CENPV: variants seen among roughly 807,000 people sequenced by gnomAD.
CENPV encodes centromere protein V.
In CENPV, 15 loss-of-function variants were observed where a neutral mutation model predicts 26.4. The observed-to-expected ratio is 0.57, with a 90% CI of 0.38 to 0.88. The LOEUF is 0.88. CENPV is among the 40% of genes least tolerant of loss of function. The pLI is 0.00. For synonymous variants in CENPV, 172 were observed against 165.5 expected, an observed-to-expected ratio of 1.04 and a Z score of -0.30; for missense variants, 336 against 376.5, an observed-to-expected ratio of 0.89 and a Z score of 0.89.
chr17:16,342,899 A>G lies in CENPV; in HGVS notation c.737T>C (p.Met246Thr). 6.2e-7 allele frequency: 1 copy of G among 1,614,186 alleles called. No individual in the cohort carries two copies. The highest frequency in any genetic ancestry group is 2.2e-5 in the East Asian group (1 of 44,886). Reference sequence around the variant, plus strand: ...GCTGCCATTGAATTCCTCAGTGACCATACTCCGCACAGTGCCCTCATCCAG... The same window carrying G: ...GCTGCCATTGAATTCCTCAGTGACCGTACTCCGCACAGTGCCCTCATCCAG... ...HCLDEGTVRS[M>T]VTEEFNGSDW... Residue 246 changes from methionine to threonine, a missense_variant, in exon 5 of 5, where the codon ATG becomes ACG. Around this residue, in one of 2 missense-constraint regions of CENPV, gnomAD observed 155 missense variants for 227.8 expected, o/e 0.68. Transcript: ENST00000299736.
At chr17:16,348,748 G>A (rs567030421) in intron 2 of CENPV, 63 bp from the exon 3 acceptor site, 23 of 1,605,124 alleles carry the variant, frequency 1.4e-5, no homozygotes, top group African/African-American at 1.3e-4. Flanking sequence ...ATGCCTGAGC[G>A]GCCCAGCCAT....
chr17:16,347,200 C>T (rs1216820911), intron 3 of CENPV, among the ~76,000 whole-genome samples: 1 of 152,086 alleles, frequency 6.6e-6, no homozygotes, highest in African/African-American at 2.4e-5. Flanking sequence ...ATCCAAGAAA[C>T]AGTGGCTTAC....
chr17:16,349,432 G>A (rs577205267), intron 2 of CENPV: 37 of 986,104 alleles, frequency 3.8e-5, no homozygotes, highest in Admixed American at 3.7e-4. Context: ...TCATAACGCC[G>A]GGGAAGGTGG....
At chr17:16,349,668 C>A in intron 2 of CENPV, 5 of 1,242,818 alleles carry the variant, frequency 4.0e-6, no homozygotes, top group Non-Finnish European at 5.1e-6. Flanking sequence ...CAGTGTCAGT[C>A]TGAGGGTGAT....
rs764236986 is a variant in CENPV, at chr17:16,353,108, T to C, written c.329A>G (p.Glu110Gly). The change falls in exon 1 of 5, where the codon GAG becomes GGG. Residue 110 changes from glutamate (E) to glycine (G), a missense_variant. By Grantham distance (98) the Glu-to-Gly change is moderately conservative. This residue lies in a region of CENPV where 155 missense variants were observed against 227.8 expected (regional missense o/e 0.68). Transcript: ENST00000299736. ...GAACGTCTCCCAGCGCTCCCGCTGC[T>C]CGCCCAGGTCCAGGTTGGACGCCGA... ...TSSASNLDLG[E>G]QRERWETFQK... is the part of the protein sequence containing the mutation. 6.4e-7 allele frequency: 1 copy of C among 1,566,558 alleles called. No homozygotes were observed. The highest frequency in any genetic ancestry group is 1.4e-5 in the African/African-American group (1 of 70,676).
At chr17:16,352,904 C>A in intron 1 of CENPV, 123 bp downstream of exon 1, 1 of 1,322,688 alleles carries the variant, frequency 7.6e-7, no homozygotes, top group Non-Finnish European at 9.7e-7. Context: ...CGCGTCGGCT[C>A]CGTAACGTGG....
At chr17:16,352,932 G>A (rs2093233973) in intron 1 of CENPV, 95 bp downstream of exon 1, 3 of 1,385,460 alleles carry the variant, frequency 2.2e-6, no homozygotes, top group South Asian at 3.1e-5. Flanking sequence ...AGAGCTGAAA[G>A]GCGCCCAAGG....
chr17:16,352,937 C>A, intron 1 of CENPV, 90 bp downstream of exon 1: 2 of 1,407,524 alleles, frequency 1.4e-6, no homozygotes, highest in South Asian at 1.5e-5. Flanking sequence ...TGAAAGGCGC[C>A]CAAGGCCTGC....
chr17:16,350,173 T>A (rs2093223127), intron 1 of CENPV, 144 bp from the exon 2 acceptor site: 1 of 940,444 alleles, frequency 1.1e-6, no homozygotes, highest in African/African-American at 1.7e-5. Flanking sequence ...AAGGAGGCAC[T>A]GTCAATTTCC....
At chr17:16,344,825 C>A in intron 3 of CENPV, 114 bp from the exon 4 acceptor site, 1 of 517,978 alleles carries the variant, frequency 1.9e-6, no homozygotes, top group Non-Finnish European at 3.1e-6. Context: ...GGCTGGAGTG[C>A]AGTGGCGCAA....
intron 1 of CENPV, chr17:16,351,428 G>A (rs2142902792): frequency 6.6e-6 from 1 of 152,314 alleles, no homozygotes; most frequent in South Asian, 2.1e-4. Context: ...TAATTTGCAT[G>A]ATTAAGACTG....
In CENPV at chr17:16,349,778, C is replaced by CA; in HGVS notation, c.509+152dup. On this transcript the variant is annotated intron_variant, in intron 2 of 4. Coordinates refer to ENST00000299736, the MANE Select transcript of CENPV (RefSeq NM_181716.3). ...CCATATAAAAGGAACAAAAATAGAA[C>CA]AATGAACCTTTCTGTCCCCATCACC... 2.1e-6 allele frequency: 3 copies of CA among 1,440,372 alleles called. No homozygotes were observed. The South Asian group carries it at 4.6e-5, about 22-fold the overall frequency. The allele number at this position is 1,440,372 out of a possible 1,614,324, so 89.2% of individuals were successfully genotyped here. A position where few individuals can be genotyped will look rare whatever the true frequency, so the allele number is the denominator to read the frequency against.
At chr17:16,353,004 G>A (rs1053050910) in intron 1 of CENPV, 23 bp downstream of exon 1, 2 of 1,527,108 alleles carry the variant, frequency 1.3e-6, no homozygotes, top group Admixed American at 4.1e-5. Flanking sequence ...CGGCTCCCGC[G>A]CCCCCCGGCC....
intron 3 of CENPV, among the ~76,000 whole-genome samples, chr17:16,345,141 A>AG (rs1382026919): frequency 6.6e-6 from 1 of 151,564 alleles, no homozygotes; most frequent in Non-Finnish European, 1.5e-5. Flanking sequence ...AGGCGCCTGT[A>AG]GTCCCAGCTA....
chr17:16,344,648 T>C lies in CENPV; in HGVS notation c.643A>G (p.Arg215Gly). ...THKAQHTFCK[R>G]CGVQSFYTPR... is the part of the protein sequence containing the mutation. The stretch of plus-strand genomic sequence containing the variant: ...GTATAGAAGCTCTGAACGCCACATC[T>C]CTTACAGAAGGTATGCTGGGCTTTG... The change falls in exon 4 of 5, where the codon AGA (arginine) becomes GGA (glycine). Residue 215 changes from arginine to glycine, a missense_variant. Physicochemically the swap from Arg to Gly is moderately radical, Grantham distance 125. Transcript: ENST00000299736. The C allele has an allele frequency of 6.2e-7, 1 of 1,600,900 alleles. No homozygotes were observed. Among genetic ancestry groups the C allele is most frequent in the Non-Finnish European group, 8.5e-7 (1 of 1,174,136 alleles).
chr17:16,352,976 AG>A, intron 1 of CENPV, 50 bp downstream of exon 1: 1 of 1,491,562 alleles, frequency 6.7e-7, no homozygotes, highest in Non-Finnish European at 8.9e-7. Context: ...ACTCCTGCCG[AG>A]GGGGTCCGCG....
In CENPV at chr17:16,353,451, G is replaced by A. The variant is rs950979198; in HGVS notation, c.-15C>T. 4.5e-6 allele frequency: 5 copies of A among 1,113,374 alleles called. No homozygotes were observed. The South Asian group carries it at 2.1e-4, about 48-fold the overall frequency. 69.0% of individuals were successfully genotyped at this position (1,113,374 alleles called of 1,614,324 possible). A position where few individuals can be genotyped will look rare whatever the true frequency, so the allele number is the denominator to read the frequency against. On this transcript the variant is annotated 5_prime_UTR_variant, in exon 1 of 5. Transcript: ENST00000299736. ...GATCGCCGCATGGCTCCCGCAGCCT[G>A]GCGCGCAGGCCTCGCAGCGCGGCGC... is the stretch of plus-strand genomic sequence containing the variant.
At chr17:16,348,975 G>A (rs1034409584) in intron 2 of CENPV, 3 of 1,101,846 alleles carry the variant, frequency 2.7e-6, no homozygotes, top group Non-Finnish European at 3.3e-6. Context: ...GAAGAGAAGC[G>A]CTGGACTTCA....
intron 2 of CENPV, chr17:16,349,496 G>C: frequency 1.0e-6 from 1 of 987,264 alleles, no homozygotes; most frequent in Non-Finnish European, 1.2e-6. Context: ...CCGAAGAGCA[G>C]AGCGAGAGTG....
Sources: gnomAD v4.1 joint callset for allele counts (sites outside exome capture counted in the v4.1 genomes callset) on GRCh38, gnomAD v4.1.1 for gene constraint, gnomAD v4.1.1 regional missense constraint, MANE v1.5 for transcripts, NCBI Gene and HGNC (gene_info 2026-07-23, HGNC 2026-07-21) for gene names.